Variants in ZNF609 observed in about 807,000 individuals in gnomAD.
ZNF609 encodes zinc finger protein 609.
Under a neutral mutation model 109.5 loss-of-function variants are expected in ZNF609, and 11 were observed. The observed-to-expected ratio is 0.10, with a 90% CI of 0.06 to 0.17. The LOEUF (loss-of-function observed/expected upper bound fraction) is 0.17. Among genes scored for constraint, ZNF609 ranks in the 10% least tolerant of loss-of-function variants. ZNF609 has a pLI of 1.00. For missense variants in ZNF609, 1,559 were observed against 1,772.4 expected (o/e 0.88, Z 2.16); for synonymous variants, 646 against 662.0 (o/e 0.98, Z 0.37).
intron 2 of ZNF609, chr15:64,500,985 T>C (rs1482735419): frequency 6.5e-6 from 1 of 153,762 alleles, no homozygotes; most frequent in Non-Finnish European, 1.4e-5. Flanking sequence ...ATGATCTTAG[T>C]TCATGCTTTA....
intron 3 of ZNF609, among the ~76,000 whole-genome samples, chr15:64,664,316 C>A (rs569356097): frequency 6.6e-6 from 1 of 152,248 alleles, no homozygotes; most frequent in Middle Eastern, 3.4e-3. Context: ...ATATTTATCA[C>A]CTTGAAGAAG....
rs1338666581 is a variant in ZNF609, at chr15:64,681,444, G to T, written c.*5+57G>T. ...ATAAAGCCGGGATAGTTGCTACCTG[G>T]ATCACAGAATCCCTAGGTGAGAAAT... On this transcript the variant is annotated intron_variant, in intron 9 of 9. Coordinates refer to ENST00000326648, the MANE Select transcript of ZNF609 (RefSeq NM_015042.2). 12 of 1,433,548 alleles carry T rather than the reference G, an allele frequency of 8.4e-6. No individual in the cohort carries two copies. In the East Asian group the frequency reaches 1.6e-4, roughly 19 times the overall value. The allele number at this position is 1,433,548 out of a possible 1,614,324, so 88.8% of individuals were successfully genotyped here.
At chr15:64,591,062 G>A (rs1054752664) in intron 2 of ZNF609, among the ~76,000 whole-genome samples, 2 of 152,160 alleles carry the variant, frequency 1.3e-5, no homozygotes, top group Non-Finnish European at 2.9e-5. Flanking sequence ...GGCCGGGCAT[G>A]CTCGTTTATG....
At chr15:64,664,147 G>A (rs1011398025) in intron 3 of ZNF609, among the ~76,000 whole-genome samples, 1 of 152,116 alleles carries the variant, frequency 6.6e-6, no homozygotes, top group Non-Finnish European at 1.5e-5. Context: ...AGTATTGCTT[G>A]AGCCTGGGAG....
intron 2 of ZNF609, among the ~76,000 whole-genome samples, chr15:64,507,132 C>T (rs1335060106): frequency 6.6e-6 from 1 of 152,110 alleles, no homozygotes; most frequent in African/African-American, 2.4e-5. Context: ...GGCCATATCC[C>T]TGGCATGGGG....
At chr15:64,679,395 GA>G (rs900745446) in intron 6 of ZNF609, among the ~76,000 whole-genome samples, 1 of 152,150 alleles carries the variant, frequency 6.6e-6, no homozygotes, top group African/African-American at 2.4e-5. Flanking sequence ...CTTGTTAGAA[GA>G]AAATGCTCTT....
At chr15:64,582,280 A>G (rs1467377400) in intron 2 of ZNF609, among the ~76,000 whole-genome samples, 1 of 152,186 alleles carries the variant, frequency 6.6e-6, no homozygotes, top group Non-Finnish European at 1.5e-5. Context: ...TAAGGTATTT[A>G]TTGTCTAACC....
At chr15:64,553,485 T>A (rs1567012692) in intron 2 of ZNF609, among the ~76,000 whole-genome samples, 1 of 151,868 alleles carries the variant, frequency 6.6e-6, no homozygotes, top group Non-Finnish European at 1.5e-5. Flanking sequence ...TACTATTTTA[T>A]GTTTTGAGGC....
intron 3 of ZNF609, among the ~76,000 whole-genome samples, chr15:64,669,691 G>A (rs1019493123): frequency 2.0e-5 from 3 of 150,756 alleles, no homozygotes; most frequent in Non-Finnish European, 4.4e-5. Context: ...TTTTTGAGAC[G>A]GAGTCTCACT....
intron 2 of ZNF609, among the ~76,000 whole-genome samples, chr15:64,582,232 T>C (rs921641441): frequency 3.3e-5 from 5 of 152,234 alleles, no homozygotes; most frequent in Admixed American, 6.5e-5. Context: ...AACAGCCAAG[T>C]TGAGTAATTG....
rs1016754894 is a variant in ZNF609, at chr15:64,509,925, T to G, written c.747+9759T>G. ...GTCAAGAGAAGAATGAGGATTGAAG[T>G]ACTGTAGTCCCCCCAACCTTATCCT... On this transcript the variant is annotated intron_variant, in intron 2 of 9. Coordinates refer to ENST00000326648, the MANE Select transcript of ZNF609 (RefSeq NM_015042.2). Among the ~76,000 whole-genome samples the G allele has an allele frequency of 3.9e-5, 6 of 152,330 alleles. No homozygotes were observed. The East Asian group carries it at 1.2e-3, about 29-fold the overall frequency.
intron 3 of ZNF609, among the ~76,000 whole-genome samples, chr15:64,648,745 C>CAA (rs1162012248): frequency 9.3e-3 from 674 of 72,224 alleles, no homozygotes; most frequent in Non-Finnish European, 0.013. Context: ...CACCACATAC[C>CAA]AAAAAAAAAA....
At chr15:64,490,381 C>A (rs974607919) in intron 1 of ZNF609, among the ~76,000 whole-genome samples, 43 of 150,902 alleles carry the variant, frequency 2.8e-4, no homozygotes, top group African/African-American at 8.8e-4. Flanking sequence ...TCAAGTGATT[C>A]TCCTGCCTCA....
intron 2 of ZNF609, among the ~76,000 whole-genome samples, chr15:64,621,824 C>T (rs1178411728): frequency 6.7e-6 from 1 of 149,130 alleles, no homozygotes; most frequent in Non-Finnish European, 1.5e-5. Flanking sequence ...CTCCCAGGTT[C>T]AAGCGATTCT....
intron 3 of ZNF609, among the ~76,000 whole-genome samples, chr15:64,656,449 C>G (rs985742849): frequency 6.6e-6 from 1 of 152,144 alleles, no homozygotes; most frequent in Admixed American, 6.6e-5. Flanking sequence ...AGTATTAGAT[C>G]AGCTTTTTCC....
At chr15:64,658,607 G>C (rs1314539219) in intron 3 of ZNF609, among the ~76,000 whole-genome samples, 2 of 151,808 alleles carry the variant, frequency 1.3e-5, no homozygotes, top group African/African-American at 4.8e-5. Context: ...TACATATTAT[G>C]TATAATATAT....
chr15:64,602,012 G>A (rs1895504910), intron 2 of ZNF609, among the ~76,000 whole-genome samples: 1 of 152,066 alleles, frequency 6.6e-6, no homozygotes, highest in African/African-American at 2.4e-5. Context: ...TATCAAAAAA[G>A]CTATCATTTA....
At chr15:64,657,458 A>G (rs569871379) in intron 3 of ZNF609, among the ~76,000 whole-genome samples, 15 of 150,076 alleles carry the variant, frequency 1.0e-4, no homozygotes, top group Middle Eastern at 3.6e-3. Flanking sequence ...TACTGAAAAT[A>G]CAAAAATTAG....
At chr15:64,477,711 A>G (rs1330936397) in intron 1 of ZNF609, among the ~76,000 whole-genome samples, 2 of 150,004 alleles carry the variant, frequency 1.3e-5, no homozygotes, top group African/African-American at 4.9e-5. Flanking sequence ...TCACTGCAAC[A>G]TCTAACTCCC....
Sources: gnomAD v4.1 joint callset for allele counts (sites outside exome capture counted in the v4.1 genomes callset) on GRCh38, gnomAD v4.1.1 for gene constraint, MANE v1.5 for transcripts, NCBI Gene and HGNC (gene_info 2026-07-23, HGNC 2026-07-21) for gene names.